Variants in LPP observed in about 807,000 individuals in gnomAD.
LPP encodes LIM domain containing preferred translocation partner in lipoma.
A neutral mutation model predicts 60.4 loss-of-function variants in LPP; 38 were observed. That is an observed-to-expected ratio of 0.63 (90% CI 0.49 to 0.83). LPP has a LOEUF of 0.83. LPP is among the 40% of genes least tolerant of loss of function. The pLI is 0.00. For synonymous variants in LPP, 328 were observed against 290.8 expected, an observed-to-expected ratio of 1.13 and a Z score of -1.30; for missense variants, 902 against 783.6, an observed-to-expected ratio of 1.15 and a Z score of -1.80.
At chr3:188,806,495 A>C (rs944526811) in intron 9 of LPP, among the ~76,000 whole-genome samples, 5 of 151,764 alleles carry the variant, frequency 3.3e-5, no homozygotes, top group Non-Finnish European at 7.4e-5. Flanking sequence ...CATTTTATCC[A>C]ATTTGACCAT....
intron 4 of LPP, among the ~76,000 whole-genome samples, chr3:188,413,120 G>A (rs1785279449): frequency 6.6e-6 from 1 of 152,120 alleles, no homozygotes; most frequent in Non-Finnish European, 1.5e-5. Context: ...GGACACATTT[G>A]TTTTCTTAGC....
chr3:188,548,830 T>C (rs2150486334), intron 6 of LPP, among the ~76,000 whole-genome samples: 1 of 152,298 alleles, frequency 6.6e-6, no homozygotes, highest in South Asian at 2.1e-4. Flanking sequence ...AAATGCTGCA[T>C]GTTTCAACTT....
intron 2 of LPP, among the ~76,000 whole-genome samples, chr3:188,303,238 C>T (rs531007348): frequency 6.8e-4 from 104 of 152,234 alleles, no homozygotes; most frequent in Middle Eastern, 3.4e-3. Context: ...TAAATAATTG[C>T]GTGTGAATAT....
intron 6 of LPP, among the ~76,000 whole-genome samples, chr3:188,583,040 G>T (rs1446958959): frequency 6.6e-6 from 1 of 152,152 alleles, no homozygotes; most frequent in Non-Finnish European, 1.5e-5. Flanking sequence ...AAGTCTGACT[G>T]TATTACTTTC....
chr3:188,658,288 G>C (rs1173450038), intron 7 of LPP, among the ~76,000 whole-genome samples: 3 of 152,044 alleles, frequency 2.0e-5, no homozygotes, highest in African/African-American at 7.3e-5. Context: ...GGGATTACAG[G>C]CACCTGCCAC....
chr3:188,276,293 G>T (rs1739662001), intron 2 of LPP, among the ~76,000 whole-genome samples: 1 of 152,138 alleles, frequency 6.6e-6, no homozygotes, highest in Non-Finnish European at 1.5e-5. Context: ...GCTTCATCAT[G>T]TGGCGATGAA....
intron 1 of LPP, among the ~76,000 whole-genome samples, chr3:188,204,644 C>G (rs1252747295): frequency 6.6e-6 from 1 of 152,012 alleles, no homozygotes; most frequent in Admixed American, 6.6e-5. Flanking sequence ...GTTTTCGTTC[C>G]TGTTTTACAG....
chr3:188,773,029 T>C (rs921044654), intron 9 of LPP, among the ~76,000 whole-genome samples: 2 of 152,136 alleles, frequency 1.3e-5, no homozygotes, highest in African/African-American at 4.8e-5. Flanking sequence ...AAGCCAGCTG[T>C]CTAGCTTCCA....
intron 7 of LPP, among the ~76,000 whole-genome samples, chr3:188,635,049 G>A (rs1848478063): frequency 6.6e-6 from 1 of 152,042 alleles, no homozygotes; most frequent in Non-Finnish European, 1.5e-5. Flanking sequence ...TCTCCCTAAT[G>A]TGGGACATGG....
At chr3:188,167,968 T>TC (rs1720506389) in intron 1 of LPP, among the ~76,000 whole-genome samples, 1 of 152,250 alleles carries the variant, frequency 6.6e-6, no homozygotes, top group Non-Finnish European at 1.5e-5. Context: ...TAAAAAAATT[T>TC]CCCAAGTAGT....
intron 8 of LPP, among the ~76,000 whole-genome samples, chr3:188,753,038 T>A (rs139725112): frequency 6.6e-6 from 1 of 152,168 alleles, no homozygotes; most frequent in African/African-American, 2.4e-5. Context: ...ACAATACTGA[T>A]ATAGGTCAGA....
rs1770409800 is a variant in LPP at position 188,884,308 on chromosome 3, C to T, written c.*9829C>T. ...TGCTGTCTCCAAGTAGCCACGCTCACAGCTGAGAACACCTTAGAGGACAAT... is the reference window on the plus strand; with the variant it reads ...TGCTGTCTCCAAGTAGCCACGCTCATAGCTGAGAACACCTTAGAGGACAAT... On this transcript the variant is annotated 3_prime_UTR_variant, in exon 12 of 12. Coordinates refer to ENST00000617246, the MANE Select transcript of LPP (RefSeq NM_001375462.1). 1 of 230,516 alleles carries T rather than the reference C, an allele frequency of 4.3e-6. No homozygotes were observed. The allele number at this position is 230,516 out of a possible 1,614,324, so 14.3% of individuals were successfully genotyped here.
intron 2 of LPP, among the ~76,000 whole-genome samples, chr3:188,251,312 A>G (rs1247955127): frequency 6.6e-6 from 1 of 151,666 alleles, no homozygotes; most frequent in Non-Finnish European, 1.5e-5. Flanking sequence ...TAATTGCTGG[A>G]ATAAAAAGAT....
rs370225397 is a variant in LPP at position 188,430,089 on chromosome 3, T to G, written c.193+23776T>G. On this transcript the variant is annotated intron_variant, in intron 4 of 11. Transcript: ENST00000617246. ...TTTCTTGTGATTAGATTAACCAGAT[T>G]GATTAGGACAAATAGGGTTTATCTA... 6.2e-4 allele frequency among the ~76,000 whole-genome samples: 94 copies of G among 152,320 alleles called. 3 individuals carry two copies. The South Asian group carries it at 0.018, about 30-fold the overall frequency.
intron 6 of LPP, among the ~76,000 whole-genome samples, chr3:188,535,416 A>C (rs1823305665): frequency 6.6e-6 from 1 of 152,212 alleles, no homozygotes; most frequent in Admixed American, 6.5e-5. Flanking sequence ...GTTTTCTGGC[A>C]CATGAGAGGC....
At chr3:188,387,773 A>G (rs7638810) in intron 3 of LPP, among the ~76,000 whole-genome samples, 1,528 of 151,996 alleles carry the variant, frequency 0.01, 29 homozygotes, top group African/African-American at 0.035. Flanking sequence ...CATCATGTTG[A>G]TAAGGCTGGT....
At chr3:188,302,223 A>G (rs1218615665) in intron 2 of LPP, among the ~76,000 whole-genome samples, 2 of 152,182 alleles carry the variant, frequency 1.3e-5, no homozygotes, top group African/African-American at 4.8e-5. Context: ...ATCCCAATTT[A>G]TAACTAAGAA....
chr3:188,388,274 T>C (rs1356404146), intron 3 of LPP, among the ~76,000 whole-genome samples: 2 of 152,202 alleles, frequency 1.3e-5, no homozygotes, highest in Non-Finnish European at 2.9e-5. Context: ...ATAGAGGTTG[T>C]TAAGTAGTTG....
At chr3:188,521,813 ACT>A (rs2150147957) in intron 5 of LPP, among the ~76,000 whole-genome samples, 1 of 152,100 alleles carries the variant, frequency 6.6e-6, no homozygotes, top group South Asian at 2.1e-4. Context: ...AGCAGACAAC[ACT>A]CTACCACCCT....
Sources: gnomAD v4.1 joint callset for allele counts (sites outside exome capture counted in the v4.1 genomes callset) on GRCh38, gnomAD v4.1.1 for gene constraint, MANE v1.5 for transcripts, NCBI Gene and HGNC (gene_info 2026-07-23, HGNC 2026-07-21) for gene names.